The following LNPK variants were observed in gnomAD, a reference collection of about 807,000 sequenced individuals.
The protein encoded by LNPK is lunapark, ER junction formation factor.
A neutral mutation model predicts 55.2 loss-of-function variants in LNPK; 29 were observed. The ratio of observed to expected loss-of-function variants is 0.53; its 90% CI spans 0.39 to 0.72. The LOEUF (loss-of-function observed/expected upper bound fraction) is 0.72, where lower values mean the gene tolerates loss of function less well. Ranked by LOEUF, LNPK falls within the 30% of genes least tolerant of loss-of-function variation. The probability of loss-of-function intolerance (pLI) is 0.00; values close to 1 mark genes in which losing one functional copy is unlikely to be tolerated. For missense variants in LNPK, 467 were observed against 494.8 expected (o/e 0.94, Z 0.53); for synonymous variants, 162 against 168.2 (o/e 0.96, Z 0.29).
intron 6 of LNPK, among the ~76,000 whole-genome samples, chr2:175,969,877 T>A (rs1163066276): frequency 6.6e-6 from 1 of 152,180 alleles, no homozygotes; most frequent in Non-Finnish European, 1.5e-5. Flanking sequence ...TTCTCTTACT[T>A]TTCAGGTACT....
intron 6 of LNPK, among the ~76,000 whole-genome samples, chr2:175,964,990 A>G (rs1686256554): frequency 6.6e-6 from 1 of 152,218 alleles, no homozygotes; most frequent in Admixed American, 6.5e-5. Context: ...GTCGTTAGCC[A>G]AGAGCTTTAC....
At chr2:175,971,319 T>A (rs1020977764) in intron 5 of LNPK, among the ~76,000 whole-genome samples, 1 of 152,132 alleles carries the variant, frequency 6.6e-6, no homozygotes, top group African/African-American at 2.4e-5. Context: ...AAAATACTAA[T>A]AACTTTCCAA....
chr2:175,951,907 TA>T (rs1685437996), intron 8 of LNPK, among the ~76,000 whole-genome samples: 1 of 151,974 alleles, frequency 6.6e-6, no homozygotes, highest in Non-Finnish European at 1.5e-5. Context: ...TCTATTTTTT[TA>T]ATTTTTTTAT....
intron 8 of LNPK, among the ~76,000 whole-genome samples, chr2:175,961,809 A>G (rs1686044397): frequency 6.6e-6 from 1 of 152,152 alleles, no homozygotes; most frequent in African/African-American, 2.4e-5. Context: ...AAACCCCATC[A>G]TCTCAGCCCA....
At chr2:175,980,871 C>A (rs1687135354) in intron 4 of LNPK, among the ~76,000 whole-genome samples, 2 of 145,514 alleles carry the variant, frequency 1.4e-5, no homozygotes, top group South Asian at 4.4e-4. Context: ...CATGCCACTG[C>A]ACTCCAGCCT....
In LNPK at chr2:175,952,043, T is replaced by C. The variant is rs140561033; in HGVS notation, c.494-4351A>G. On this transcript the variant is annotated intron_variant, in intron 8 of 12. Transcript: ENST00000272748. ...CCATTTGTATATTTTCTTTTGAGAATTGTCTATTCATGTTCTTAGCCCACT... is the reference window on the plus strand; with the variant it reads ...CCATTTGTATATTTTCTTTTGAGAACTGTCTATTCATGTTCTTAGCCCACT... Among the ~76,000 whole-genome samples, 862 of 151,286 alleles carry C rather than the reference T, an allele frequency of 5.7e-3. 9 individuals are homozygous for C. The highest frequency in any genetic ancestry group is 0.02 in the African/African-American group (808 of 41,062).
At chr2:175,947,003 T>C (rs948058215) in intron 9 of LNPK, among the ~76,000 whole-genome samples, 39 of 151,806 alleles carry the variant, frequency 2.6e-4, no homozygotes, top group South Asian at 2.1e-4. Flanking sequence ...ACTAAGGTTC[T>C]ATGCCTTAAA....
In LNPK at chr2:175,966,155, C is replaced by T. The variant is rs373734459; in HGVS notation, c.358-1566G>A. Among the ~76,000 whole-genome samples, 18 of 152,288 alleles carry T rather than the reference C, an allele frequency of 1.2e-4. No individual in the cohort carries two copies. The East Asian group carries it at 2.9e-3, about 25-fold the overall frequency. On this transcript the variant is annotated intron_variant, in intron 6 of 12. Transcript: ENST00000272748. ...TTTCGGCTCACTGCAGCCTCCACCTCCCAGGTTCAAGCGATTCTCTGCCTC... is the reference window on the plus strand; with the variant it reads ...TTTCGGCTCACTGCAGCCTCCACCTTCCAGGTTCAAGCGATTCTCTGCCTC...
intron 8 of LNPK, among the ~76,000 whole-genome samples, chr2:175,956,793 C>T (rs1685716920): frequency 6.6e-6 from 1 of 151,990 alleles, no homozygotes. Context: ...TAATGGCTCG[C>T]CTACAAACAA....
chr2:175,933,731 GTTT>G (rs34348423), intron 12 of LNPK, among the ~76,000 whole-genome samples: 2 of 122,104 alleles, frequency 1.6e-5, no homozygotes, highest in East Asian at 2.4e-4. Context: ...CAAGTTAAGG[GTTT>G]TTTTTTTTTT....
chr2:175,939,690 A>G (rs372643295), intron 9 of LNPK, 33 bp from the exon 10 acceptor site: 310 of 992,100 alleles, frequency 3.1e-4, no homozygotes, highest in Non-Finnish European at 4.3e-4. Flanking sequence ...CAAAATTTAT[A>G]TACATGAAAT....
chr2:175,947,384 T>C lies in LNPK; in HGVS notation c.706+96A>G, dbSNP rs1574829411. ...AGATAACTGCTCTGCTATTTCCAAA[T>C]GAAATGCCATTTCCATACCACCTGA... On this transcript the variant is annotated intron_variant, in intron 9 of 12. Coordinates refer to ENST00000272748, the MANE Select transcript of LNPK (RefSeq NM_030650.3). 2.8e-5 allele frequency: 27 copies of C among 981,164 alleles called. No homozygotes were observed. The South Asian group carries it at 4.1e-4, about 15-fold the overall frequency. The allele number at this position is 981,164 out of a possible 1,614,324, so 60.8% of individuals were successfully genotyped here. A position where few individuals can be genotyped will look rare whatever the true frequency, so the allele number is the denominator to read the frequency against.
chr2:175,995,510 C>T, intron 2 of LNPK, 48 bp downstream of exon 2: 2 of 1,465,732 alleles, frequency 1.4e-6, no homozygotes, highest in East Asian at 2.3e-5. Context: ...CTTTATGTGA[C>T]ACTTTTATAT....
At chr2:175,951,019 A>T (rs897197365) in intron 8 of LNPK, among the ~76,000 whole-genome samples, 1 of 152,136 alleles carries the variant, frequency 6.6e-6, no homozygotes, top group African/African-American at 2.4e-5. Context: ...AAAAACTTAA[A>T]TGTATAATTC....
chr2:175,939,903 T>C (rs1402330773), intron 9 of LNPK: 4 of 346,520 alleles, frequency 1.2e-5, no homozygotes, highest in African/African-American at 4.2e-5. Context: ...AGTAGATTCC[T>C]ACATAACTAC....
At chr2:175,965,276 A>G (rs1007627827) in intron 6 of LNPK, among the ~76,000 whole-genome samples, 1 of 152,230 alleles carries the variant, frequency 6.6e-6, no homozygotes, top group African/African-American at 2.4e-5. Context: ...TCATTATTGT[A>G]ACGTTTTATT....
At chr2:175,942,495 A>T (rs1684900144) in intron 9 of LNPK, among the ~76,000 whole-genome samples, 1 of 152,294 alleles carries the variant, frequency 6.6e-6, no homozygotes, top group Admixed American at 6.5e-5. Context: ...ATGTTTTCTA[A>T]CAAAATAATT....
intron 4 of LNPK, among the ~76,000 whole-genome samples, chr2:175,982,689 C>G (rs1040346072): frequency 3.3e-5 from 5 of 152,252 alleles, no homozygotes; most frequent in Non-Finnish European, 7.4e-5. Flanking sequence ...ACCATCATGC[C>G]TAGCCCTTTT....
intron 1 of LNPK, among the ~76,000 whole-genome samples, chr2:176,000,452 G>A (rs1342344859): frequency 6.6e-6 from 1 of 152,160 alleles, no homozygotes; most frequent in Non-Finnish European, 1.5e-5. Flanking sequence ...GAAAACACAT[G>A]TATTTATATG....
Sources: allele counts gnomAD v4.1 joint callset (sites outside exome capture counted in the v4.1 genomes callset), GRCh38; gene constraint gnomAD v4.1.1; transcripts MANE v1.5; gene names NCBI Gene and HGNC (gene_info 2026-07-23, HGNC 2026-07-21).